The following EFNA5 variants were observed in gnomAD, a reference collection of about 807,000 sequenced individuals.
EFNA5 encodes ephrin-A5.
In EFNA5, 5 loss-of-function variants were observed where a neutral mutation model predicts 22.9. That is an observed-to-expected ratio of 0.22 (90% confidence interval 0.11 to 0.46). EFNA5 has a LOEUF of 0.46. EFNA5 is among the 20% of genes least tolerant of loss of function. The pLI, the probability that EFNA5 is intolerant of heterozygous loss-of-function variation, is 0.99. For synonymous variants in EFNA5, 113 were observed against 112.2 expected (o/e 1.01, Z -0.04); for missense variants, 237 against 293.3 (o/e 0.81, Z 1.40).
At chr5:107,598,237 T>C (rs1336178569) in intron 1 of EFNA5, among the ~76,000 whole-genome samples, 1 of 152,140 alleles carries the variant, frequency 6.6e-6, no homozygotes, top group African/African-American at 2.4e-5. Flanking sequence ...TATTCACATT[T>C]TACAGATCAG....
chr5:107,517,636 T>A (rs1194239546), intron 1 of EFNA5, among the ~76,000 whole-genome samples: 1 of 152,230 alleles, frequency 6.6e-6, no homozygotes, highest in Non-Finnish European at 1.5e-5. Flanking sequence ...GGAAACAACG[T>A]CAAACAAATT....
rs367832744 is a variant in EFNA5 at position 107,612,925 on chromosome 5, CAG to C, written c.125+57562_125+57563del. On this transcript the variant is annotated intron_variant, in intron 1 of 4. Transcript: ENST00000333274. The stretch of plus-strand genomic sequence containing the variant: ...TAGACATAGAAACTCAGTAGCAAAA[CAG>C]GGAATAAAATAAATAGTTTCCAAAT... Among the ~76,000 whole-genome samples the C allele has an allele frequency of 3.9e-3, 595 of 152,214 alleles. 2 individuals carry two copies. The highest frequency in any genetic ancestry group is 6.7e-3 in the African/African-American group (280 of 41,556).
chr5:107,553,385 C>T (rs557663167), intron 1 of EFNA5, among the ~76,000 whole-genome samples: 1 of 152,300 alleles, frequency 6.6e-6, no homozygotes, highest in Non-Finnish European at 1.5e-5. Flanking sequence ...CCCCACTCCA[C>T]CACCGCCCCA....
intron 1 of EFNA5, among the ~76,000 whole-genome samples, chr5:107,491,445 G>A (rs1165008507): frequency 6.6e-6 from 1 of 152,112 alleles, no homozygotes; most frequent in Non-Finnish European, 1.5e-5. Context: ...CTGAGTAGCT[G>A]GGATTACAGG....
intron 1 of EFNA5, among the ~76,000 whole-genome samples, chr5:107,653,317 C>CCATA (rs1401132344): frequency 6.6e-6 from 1 of 152,088 alleles, no homozygotes; most frequent in Non-Finnish European, 1.5e-5. Context: ...CCTAAGTTCT[C>CCATA]CATAACCCAG....
At chr5:107,492,010 T>C (rs747593698) in intron 1 of EFNA5, among the ~76,000 whole-genome samples, 1 of 149,800 alleles carries the variant, frequency 6.7e-6, no homozygotes, top group Non-Finnish European at 1.5e-5. Context: ...AATTTTTGTA[T>C]TTTTATTCGA....
intron 2 of EFNA5, among the ~76,000 whole-genome samples, chr5:107,393,433 A>G (rs1462473075): frequency 1.3e-5 from 2 of 152,222 alleles, no homozygotes; most frequent in Non-Finnish European, 2.9e-5. Flanking sequence ...AGTCAAACTT[A>G]ACATCTCTGC....
intron 1 of EFNA5, among the ~76,000 whole-genome samples, chr5:107,523,371 G>T (rs114825026): frequency 0.013 from 2,026 of 152,072 alleles, 49 homozygotes; most frequent in African/African-American, 0.046. Context: ...AACAATCTGT[G>T]TTTAATGTTT....
chr5:107,475,702 T>C (rs534794693), intron 1 of EFNA5, among the ~76,000 whole-genome samples: 2 of 152,070 alleles, frequency 1.3e-5, no homozygotes, highest in African/African-American at 4.8e-5. Context: ...ATAAGACTTA[T>C]ACATCTTAAG....
intron 2 of EFNA5, among the ~76,000 whole-genome samples, chr5:107,398,699 T>G (rs946004506): frequency 6.6e-6 from 1 of 151,410 alleles, no homozygotes; most frequent in Non-Finnish European, 1.5e-5. Flanking sequence ...AAAAAATTTT[T>G]TTTTTATTGG....
At chr5:107,511,716 T>A (rs1178970814) in intron 1 of EFNA5, among the ~76,000 whole-genome samples, 2 of 152,194 alleles carry the variant, frequency 1.3e-5, no homozygotes, top group East Asian at 3.9e-4. Context: ...TCTAAATTCA[T>A]CCTTATCACC....
At chr5:107,635,560 A>C (rs1290978420) in intron 1 of EFNA5, among the ~76,000 whole-genome samples, 1 of 152,186 alleles carries the variant, frequency 6.6e-6, no homozygotes, top group East Asian at 1.9e-4. Flanking sequence ...TCTTAACCCC[A>C]GGGATTTCAT....
chr5:107,539,498 G>A (rs534832895), intron 1 of EFNA5, among the ~76,000 whole-genome samples: 1 of 152,128 alleles, frequency 6.6e-6, no homozygotes, highest in African/African-American at 2.4e-5. Context: ...TTGCTCTTTT[G>A]CCCAGGCTGA....
In EFNA5 at chr5:107,381,386, T is replaced by G; in HGVS notation, c.566-10A>C. On this transcript the variant is annotated splice_polypyrimidine_tract_variant and intron_variant, in intron 4 of 4. Transcript: ENST00000333274. ...TCATGTACGGTGTCATCTGTTCAAA[T>G]AGAAAGCACACATTCCAATGAGATT... 1 of 1,602,466 alleles carries G rather than the reference T, an allele frequency of 6.2e-7. No individual in the cohort carries two copies. The highest frequency in any genetic ancestry group is 8.5e-7 in the Non-Finnish European group (1 of 1,170,800).
At position 107,381,258 on chromosome 5, in the gene EFNA5, T is replaced by C; in HGVS notation, c.684A>G (p.Leu228=). The C allele has an allele frequency of 6.2e-7, 1 of 1,613,752 alleles. No individual in the cohort carries two copies. Among genetic ancestry groups the C allele is most frequent in the African/African-American group, 1.3e-5 (1 of 75,048 alleles). The part of the protein sequence containing the change: ...LLFLLAMLLT[L] Reference sequence around the variant, plus strand: ...CAAGTGATGGGAGGAGACTGTGCTATAATGTCAAAAGCATCGCCAGGAGGA... The same window carrying C: ...CAAGTGATGGGAGGAGACTGTGCTACAATGTCAAAAGCATCGCCAGGAGGA... Residue 228 remains leucine (L), a synonymous_variant, in exon 5 of 5, where the codon TTA becomes TTG. Coordinates refer to ENST00000333274, the MANE Select transcript of EFNA5 (RefSeq NM_001962.3).
chr5:107,418,577 C>T (rs958379863), intron 2 of EFNA5, among the ~76,000 whole-genome samples: 2 of 152,098 alleles, frequency 1.3e-5, no homozygotes, highest in Non-Finnish European at 2.9e-5. Flanking sequence ...TACATGCTTC[C>T]TCTGTCTCAT....
At chr5:107,565,425 T>A (rs115698878) in intron 1 of EFNA5, among the ~76,000 whole-genome samples, 258 of 152,342 alleles carry the variant, frequency 1.7e-3, no homozygotes, top group South Asian at 3.9e-3. Context: ...ATTTGAAGCA[T>A]CTCGGAATAA....
intron 1 of EFNA5, among the ~76,000 whole-genome samples, chr5:107,467,395 C>T (rs1409625584): frequency 6.6e-6 from 1 of 152,158 alleles, no homozygotes; most frequent in Admixed American, 6.5e-5. Context: ...TGGCTAATCT[C>T]TCCTTTCAAT....
intron 1 of EFNA5, among the ~76,000 whole-genome samples, chr5:107,538,667 G>T (rs1296754501): frequency 6.6e-6 from 1 of 152,192 alleles, no homozygotes; most frequent in Non-Finnish European, 1.5e-5. Flanking sequence ...TGGTAGGGTG[G>T]TGTAAGCCAT....
Sources: allele counts gnomAD v4.1 joint callset (sites outside exome capture counted in the v4.1 genomes callset), GRCh38; gene constraint gnomAD v4.1.1; transcripts MANE v1.5; gene names NCBI Gene and HGNC (gene_info 2026-07-23, HGNC 2026-07-21).